The following SDK1 variants were observed in gnomAD, a reference collection of about 807,000 sequenced individuals.
SDK1 encodes the protein sidekick cell adhesion molecule 1, also known as protein sidekick-1.
Under a neutral mutation model 245.5 loss-of-function variants are expected in SDK1, and 157 were observed. The ratio of observed to expected loss-of-function variants is 0.64; its 90% CI spans 0.56 to 0.73. The LOEUF (loss-of-function observed/expected upper bound fraction) is 0.73. Ranked by LOEUF, SDK1 falls within the 30% of genes least tolerant of loss-of-function variation. SDK1 has a pLI of 0.00. For synonymous variants in SDK1, 1,647 were observed against 1,278.5 expected (o/e 1.29, Z -6.15); for missense variants, 3,583 against 3,002.3 (o/e 1.19, Z -4.52).
chr7:3,628,615 G>A (rs748901002), intron 2 of SDK1, among the ~76,000 whole-genome samples: 1 of 152,178 alleles, frequency 6.6e-6, no homozygotes, highest in African/African-American at 2.4e-5. Flanking sequence ...TGAAAGGGCA[G>A]CTTCTAGAAC....
intron 1 of SDK1, among the ~76,000 whole-genome samples, chr7:3,385,323 G>A (rs1781583873): frequency 6.6e-6 from 1 of 152,022 alleles, no homozygotes; most frequent in African/African-American, 2.4e-5. Context: ...ACAGGTGAAA[G>A]CTTTATTAAA....
chr7:3,320,579 C>A (rs1779778027), intron 1 of SDK1, among the ~76,000 whole-genome samples: 1 of 152,112 alleles, frequency 6.6e-6, no homozygotes, highest in Admixed American at 6.5e-5. Flanking sequence ...AGAAATCAAA[C>A]TAAATCCATC....
intron 1 of SDK1, among the ~76,000 whole-genome samples, chr7:3,469,911 A>C (rs1364879028): frequency 6.6e-6 from 1 of 152,210 alleles, no homozygotes; most frequent in Non-Finnish European, 1.5e-5. Flanking sequence ...TATGCTAGTC[A>C]ATGGTTTCAT....
At chr7:3,425,280 A>G (rs1779644757) in intron 1 of SDK1, among the ~76,000 whole-genome samples, 1 of 152,166 alleles carries the variant, frequency 6.6e-6, no homozygotes, top group South Asian at 2.1e-4. Context: ...ACAGAAGGGA[A>G]ATTTATGGCC....
At chr7:3,688,079 G>T (rs1252927231) in intron 4 of SDK1, among the ~76,000 whole-genome samples, 22 of 152,358 alleles carry the variant, frequency 1.4e-4, no homozygotes, top group Non-Finnish European at 1.5e-5. Flanking sequence ...GGAAGCCAGT[G>T]TACTAAGAGC....
intron 4 of SDK1, among the ~76,000 whole-genome samples, chr7:3,651,980 T>C (rs1386764858): frequency 6.6e-6 from 1 of 152,138 alleles, no homozygotes; most frequent in Non-Finnish European, 1.5e-5. Context: ...TCCGAGAAGA[T>C]TGCTGAAGGA....
chr7:3,468,647 T>G lies in SDK1; in HGVS notation c.299-150433T>G, dbSNP rs531552987. On this transcript the variant is annotated intron_variant, in intron 1 of 44. Coordinates refer to ENST00000404826, the MANE Select transcript of SDK1 (RefSeq NM_152744.4). ...CCTTATACCCAGAAGGAAGGAGTATTGAATACATGCCCAGAGAGGCCAGGA... is the reference window on the plus strand; with the variant it reads ...CCTTATACCCAGAAGGAAGGAGTATGGAATACATGCCCAGAGAGGCCAGGA... 8.2e-5 allele frequency among the ~76,000 whole-genome samples: 8 copies of G among 97,826 alleles called. No homozygotes were observed. The South Asian group carries it at 1.8e-3, about 22-fold the overall frequency. The allele number at this position is 97,826 out of a possible 152,430, so 64.2% of individuals were successfully genotyped here.
chr7:3,714,915 A>G (rs1029940705), intron 4 of SDK1, among the ~76,000 whole-genome samples: 8 of 152,218 alleles, frequency 5.3e-5, no homozygotes, highest in African/African-American at 1.9e-4. Context: ...ATGTGCTTTG[A>G]GAGAATGCAA....
intron 4 of SDK1, among the ~76,000 whole-genome samples, chr7:3,672,759 T>TATATATACATATATACA (rs1554307103): frequency 2.0e-5 from 1 of 50,744 alleles, no homozygotes; most frequent in Non-Finnish European, 3.5e-5. Context: ...ATATATAATT[T>TATATATACATATATACA]TATATATATA....
intron 5 of SDK1, among the ~76,000 whole-genome samples, chr7:3,901,808 C>T (rs180775581): frequency 1.3e-5 from 2 of 152,310 alleles, no homozygotes; most frequent in African/African-American, 4.8e-5. Context: ...GTAAGGAACT[C>T]CTTTTCCTTC....
At chr7:4,250,175 C>A (rs1329708218) in intron 44 of SDK1, among the ~76,000 whole-genome samples, 1 of 152,134 alleles carries the variant, frequency 6.6e-6, no homozygotes, top group Non-Finnish European at 1.5e-5. Context: ...GGCTTCTTTC[C>A]CTTAGCATGA....
chr7:3,811,493 G>T (rs1387429252), intron 4 of SDK1, among the ~76,000 whole-genome samples: 1 of 152,214 alleles, frequency 6.6e-6, no homozygotes, highest in Non-Finnish European at 1.5e-5. Flanking sequence ...CAGGGAGCTT[G>T]GTTGGGAGAA....
At chr7:3,410,350 AT>A (rs1002036918) in intron 1 of SDK1, among the ~76,000 whole-genome samples, 1 of 152,152 alleles carries the variant, frequency 6.6e-6, no homozygotes, top group African/African-American at 2.4e-5. Context: ...CACCTTATGA[AT>A]TGAATTTCAT....
intron 19 of SDK1, among the ~76,000 whole-genome samples, chr7:4,063,772 G>A (rs1456939125): frequency 1.3e-5 from 2 of 152,052 alleles, no homozygotes; most frequent in Admixed American, 6.6e-5. Context: ...GTTAACAACA[G>A]ACACATAGAC....
chr7:3,913,453 C>T (rs1364958795), intron 5 of SDK1, among the ~76,000 whole-genome samples: 1 of 152,116 alleles, frequency 6.6e-6, no homozygotes, highest in Non-Finnish European at 1.5e-5. Context: ...GCCACAACGC[C>T]CAGCTAATTT....
At position 4,028,670 on chromosome 7, in the gene SDK1, C is replaced by T. The variant is rs1787550964; in HGVS notation, c.2602+11318C>T. Among the ~76,000 whole-genome samples the T allele has an allele frequency of 3.3e-5, 5 of 152,346 alleles. No homozygotes were observed. The South Asian group carries it at 1.0e-3, about 32-fold the overall frequency. ...GTCCCACATTTCCACCTCTAGCTCTCTGGAGGACAGGCTGGGAAGGTCTCA... is the reference window on the plus strand; with the variant it reads ...GTCCCACATTTCCACCTCTAGCTCTTTGGAGGACAGGCTGGGAAGGTCTCA... On this transcript the variant is annotated intron_variant, in intron 17 of 44. Coordinates refer to ENST00000404826, the MANE Select transcript of SDK1 (RefSeq NM_152744.4).
intron 1 of SDK1, among the ~76,000 whole-genome samples, chr7:3,586,197 T>C (rs1780682706): frequency 6.6e-6 from 1 of 151,322 alleles, no homozygotes; most frequent in Non-Finnish European, 1.5e-5. Context: ...CTTGGGTGAG[T>C]GTCTTGGTGG....
intron 4 of SDK1, among the ~76,000 whole-genome samples, chr7:3,734,081 T>C (rs931339522): frequency 6.6e-6 from 1 of 152,162 alleles, no homozygotes; most frequent in African/African-American, 2.4e-5. Flanking sequence ...TTGCCCAGGC[T>C]CCCCGTGAGA....
At chr7:4,040,968 T>G (rs566037451) in intron 17 of SDK1, among the ~76,000 whole-genome samples, 2 of 152,326 alleles carry the variant, frequency 1.3e-5, no homozygotes, top group African/African-American at 4.8e-5. Flanking sequence ...AGGCTGCTCT[T>G]TGTTAGAAAA....
Sources: allele counts gnomAD v4.1 joint callset (sites outside exome capture counted in the v4.1 genomes callset), GRCh38; gene constraint gnomAD v4.1.1; transcripts MANE v1.5; gene names NCBI Gene and HGNC (gene_info 2026-07-23, HGNC 2026-07-21).